Variants in RTN1 observed in about 807,000 individuals in gnomAD.
RTN1 encodes the protein reticulon 1, also known as reticulon-1.
Under a neutral mutation model 65.5 loss-of-function variants are expected in RTN1, and 25 were observed. The observed-to-expected ratio is 0.38, with a 90% CI of 0.28 to 0.53. The LOEUF is 0.53. Among genes scored for constraint, RTN1 ranks in the 20% least tolerant of loss-of-function variants. RTN1 has a pLI of 0.79. For synonymous variants in RTN1, 471 were observed against 447.6 expected (o/e 1.05, Z -0.66); for missense variants, 983 against 1,025.4 (o/e 0.96, Z 0.57).
At chr14:59,781,115 G>A (rs1886147042) in intron 1 of RTN1, among the ~76,000 whole-genome samples, 1 of 152,064 alleles carries the variant, frequency 6.6e-6, no homozygotes, top group African/African-American at 2.4e-5. Context: ...TCTTATCCCT[G>A]TTTTGCAGAT....
chr14:59,840,152 A>T (rs999698344), intron 1 of RTN1, among the ~76,000 whole-genome samples: 3 of 151,946 alleles, frequency 2.0e-5, no homozygotes, highest in African/African-American at 7.3e-5. Context: ...GGTTTAAAAC[A>T]CTCATTTTTT....
intron 3 of RTN1, among the ~76,000 whole-genome samples, chr14:59,721,287 T>C (rs1461044400): frequency 6.6e-6 from 1 of 152,202 alleles, no homozygotes; most frequent in African/African-American, 2.4e-5. Context: ...GAGGAGGCCA[T>C]GGGTGAGCAG....
intron 1 of RTN1, among the ~76,000 whole-genome samples, chr14:59,752,524 C>T (rs965931113): frequency 6.6e-6 from 1 of 152,164 alleles, no homozygotes; most frequent in Non-Finnish European, 1.5e-5. Context: ...CAGATCACAA[C>T]ACTGACCAAT....
At chr14:59,736,181 A>T (rs1172071007) in intron 2 of RTN1, among the ~76,000 whole-genome samples, 1 of 151,812 alleles carries the variant, frequency 6.6e-6, no homozygotes. Flanking sequence ...GACAAGAACA[A>T]AGATGAACTG....
At chr14:59,666,279 AAGAAACTC>A (rs1168008356) in intron 3 of RTN1, among the ~76,000 whole-genome samples, 1 of 152,226 alleles carries the variant, frequency 6.6e-6, no homozygotes, top group Non-Finnish European at 1.5e-5. Flanking sequence ...ACTCAGGATT[AAGAAACTC>A]ACTCAAAACC....
chr14:59,763,086 A>C (rs2139548392), intron 1 of RTN1, among the ~76,000 whole-genome samples: 1 of 152,350 alleles, frequency 6.6e-6, no homozygotes, highest in East Asian at 1.9e-4. Flanking sequence ...GGAATTCAGG[A>C]CATATCATTT....
At chr14:59,751,705 A>C (rs889480969) in intron 1 of RTN1, among the ~76,000 whole-genome samples, 1 of 152,148 alleles carries the variant, frequency 6.6e-6, no homozygotes, top group Non-Finnish European at 1.5e-5. Flanking sequence ...TGCAAAGGCC[A>C]CCACAGGGCT....
Position 59,767,747 on chromosome 14 carries a change from C to G in RTN1, c.242-21266G>C, listed in dbSNP as rs549268425. On this transcript the variant is annotated intron_variant, in intron 1 of 8. Transcript: ENST00000267484. ...GGAATATGCAACTTTTAAAATTTCC[C>G]TATGGTGCTTTCCTTTAGTTCTTTC... Among the ~76,000 whole-genome samples, 258 of 152,280 alleles carry G rather than the reference C, an allele frequency of 1.7e-3. 1 individual carries two copies. The highest frequency in any genetic ancestry group is 3.1e-3 in the Non-Finnish European group (213 of 68,010).
intron 1 of RTN1, among the ~76,000 whole-genome samples, chr14:59,751,744 G>A (rs538077986): frequency 6.6e-6 from 1 of 152,312 alleles, no homozygotes; most frequent in South Asian, 2.1e-4. Flanking sequence ...TACTTGGCAA[G>A]TTGCATATCC....
chr14:59,789,340 T>C (rs1408082291), intron 1 of RTN1, among the ~76,000 whole-genome samples: 1 of 152,146 alleles, frequency 6.6e-6, no homozygotes, highest in African/African-American at 2.4e-5. Flanking sequence ...TATATGTTTA[T>C]TTTTTAATGT....
intron 1 of RTN1, among the ~76,000 whole-genome samples, chr14:59,812,416 G>C (rs548512920): frequency 6.6e-6 from 1 of 152,194 alleles, no homozygotes; most frequent in African/African-American, 2.4e-5. Context: ...CCTTGAAAAA[G>C]GTCTGAAGGC....
chr14:59,685,990 A>C (rs1347234347), intron 3 of RTN1, among the ~76,000 whole-genome samples: 1 of 152,250 alleles, frequency 6.6e-6, no homozygotes, highest in Non-Finnish European at 1.5e-5. Flanking sequence ...CCAATGGAAC[A>C]GAATAGAAAG....
At chr14:59,867,242 A>T (rs1009119902) in intron 1 of RTN1, among the ~76,000 whole-genome samples, 3 of 152,212 alleles carry the variant, frequency 2.0e-5, no homozygotes, top group African/African-American at 7.2e-5. Context: ...GCTCCTTTTG[A>T]ATAGTTTCCA....
Position 59,607,247 on chromosome 14 carries a change from T to G in RTN1, c.1973+38A>C, listed in dbSNP as rs1324945827. On this transcript the variant is annotated intron_variant, in intron 4 of 8. Transcript: ENST00000267484. The stretch of plus-strand genomic sequence containing the variant: ...AAATACAGGTGAGGGTAAAAGCCCC[T>G]GGTCAGTGGGTGAGGGCTCCTCAGC... 2.5e-6 allele frequency: 4 copies of G among 1,585,772 alleles called. No individual in the cohort carries two copies. In the Admixed American group the frequency reaches 6.7e-5, roughly 27 times the overall value.
chr14:59,730,082 G>A (rs954306044), intron 2 of RTN1, among the ~76,000 whole-genome samples: 12 of 152,282 alleles, frequency 7.9e-5, no homozygotes, highest in Admixed American at 2.0e-4. Flanking sequence ...TCTGTAAATA[G>A]CCCCTTCTTT....
intron 1 of RTN1, among the ~76,000 whole-genome samples, chr14:59,848,459 T>G (rs1379355419): frequency 6.6e-6 from 1 of 152,248 alleles, no homozygotes; most frequent in Non-Finnish European, 1.5e-5. Context: ...ATTTTTTAAG[T>G]TAGCATGCTA....
chr14:59,777,373 A>G (rs1318889042), intron 1 of RTN1, among the ~76,000 whole-genome samples: 1 of 152,164 alleles, frequency 6.6e-6, no homozygotes, highest in East Asian at 1.9e-4. Context: ...ATAGTTACTC[A>G]TCAATTGGAA....
chr14:59,765,823 T>A (rs999029974), intron 1 of RTN1, among the ~76,000 whole-genome samples: 1 of 152,126 alleles, frequency 6.6e-6, no homozygotes, highest in Non-Finnish European at 1.5e-5. Context: ...CTCCAACATC[T>A]GGTGTTTGGC....
intron 3 of RTN1, among the ~76,000 whole-genome samples, chr14:59,724,043 G>A (rs1005537089): frequency 6.6e-6 from 1 of 152,184 alleles, no homozygotes; most frequent in Admixed American, 6.5e-5. Flanking sequence ...ATTCCTAACA[G>A]TTACGGCTAA....
Sources: gnomAD v4.1 joint callset for allele counts (sites outside exome capture counted in the v4.1 genomes callset) on GRCh38, gnomAD v4.1.1 for gene constraint, MANE v1.5 for transcripts, NCBI Gene and HGNC (gene_info 2026-07-23, HGNC 2026-07-21) for gene names.